Variants in GATAD2A observed in about 807,000 individuals in gnomAD.
GATAD2A encodes the protein GATA zinc finger domain containing 2A, also known as transcriptional repressor p66-alpha.
A neutral mutation model predicts 68.5 loss-of-function variants in GATAD2A; 12 were observed. That is an observed-to-expected ratio of 0.18 (90% confidence interval 0.11 to 0.28). The LOEUF is 0.28. Among genes scored for constraint, GATAD2A ranks in the 10% least tolerant of loss-of-function variants. The pLI is 1.00. For synonymous variants in GATAD2A, 410 were observed against 375.3 expected (o/e 1.09, Z -1.07); for missense variants, 755 against 868.5 (o/e 0.87, Z 1.64).
chr19:19,430,828 C>T (rs568671080), intron 1 of GATAD2A, among the ~76,000 whole-genome samples: 1 of 152,250 alleles, frequency 6.6e-6, no homozygotes, highest in South Asian at 2.1e-4. Context: ...CTAGCCTGAG[C>T]TTGAGAGGAT....
intron 1 of GATAD2A, among the ~76,000 whole-genome samples, chr19:19,392,578 G>A (rs2048927536): frequency 6.6e-6 from 1 of 151,692 alleles, no homozygotes; most frequent in East Asian, 1.9e-4. Context: ...TTTTAGTAGA[G>A]ACGGGGTTTC....
At chr19:19,475,208 A>G (rs1045910297) in intron 2 of GATAD2A, among the ~76,000 whole-genome samples, 6 of 152,224 alleles carry the variant, frequency 3.9e-5, no homozygotes, top group African/African-American at 1.4e-4. Context: ...AATGAGATGG[A>G]CGATGGACTA....
chr19:19,392,642 A>G (rs533580935), intron 1 of GATAD2A, among the ~76,000 whole-genome samples: 1 of 150,438 alleles, frequency 6.6e-6, no homozygotes, highest in South Asian at 2.1e-4. Context: ...CACCTGCCTC[A>G]GCCTCCCAAA....
intron 1 of GATAD2A, among the ~76,000 whole-genome samples, chr19:19,398,995 G>T (rs2049489481): frequency 6.6e-6 from 1 of 152,090 alleles, no homozygotes; most frequent in Non-Finnish European, 1.5e-5. Flanking sequence ...GGCAGCAGGG[G>T]TTGCGGTGAG....
intron 5 of GATAD2A, among the ~76,000 whole-genome samples, chr19:19,495,162 A>G (rs1278657497): frequency 2.6e-5 from 4 of 151,018 alleles, no homozygotes; most frequent in Admixed American, 6.6e-5. Context: ...TGCCTGGGTA[A>G]TTTTTCCATT....
intron 11 of GATAD2A, among the ~76,000 whole-genome samples, chr19:19,502,819 G>A (rs1425978935): frequency 1.3e-5 from 2 of 152,256 alleles, no homozygotes; most frequent in East Asian, 3.8e-4. Context: ...AGCCATCCAT[G>A]TGGACTCTTG....
At chr19:19,423,486 T>C (rs1258132157) in intron 1 of GATAD2A, among the ~76,000 whole-genome samples, 1 of 152,272 alleles carries the variant, frequency 6.6e-6, no homozygotes, top group Non-Finnish European at 1.5e-5. Flanking sequence ...AACCAGCTTG[T>C]TGGCCTGGTT....
At chr19:19,438,129 G>A (rs1008211563) in intron 1 of GATAD2A, among the ~76,000 whole-genome samples, 1 of 152,218 alleles carries the variant, frequency 6.6e-6, no homozygotes, top group African/African-American at 2.4e-5. Context: ...ACTTGTCAGA[G>A]CCTATTACCT....
intron 1 of GATAD2A, among the ~76,000 whole-genome samples, chr19:19,461,481 C>T (rs1455466384): frequency 6.6e-6 from 1 of 152,198 alleles, no homozygotes; most frequent in Non-Finnish European, 1.5e-5. Flanking sequence ...TGGAATTGTT[C>T]TAGAACATGT....
At chr19:19,449,194 T>G (rs1330252514) in intron 1 of GATAD2A, among the ~76,000 whole-genome samples, 1 of 152,070 alleles carries the variant, frequency 6.6e-6, no homozygotes, top group Non-Finnish European at 1.5e-5. Context: ...TGAGTCTGAG[T>G]GGTGGGCACA....
chr19:19,440,425 C>T (rs189434701), intron 1 of GATAD2A: 9 of 215,422 alleles, frequency 4.2e-5, no homozygotes, highest in Admixed American at 1.1e-4. Flanking sequence ...CGCCCGCCAC[C>T]ACGCCCTGCT....
At chr19:19,389,440 A>C (rs2048690898) in intron 1 of GATAD2A, among the ~76,000 whole-genome samples, 1 of 152,098 alleles carries the variant, frequency 6.6e-6, no homozygotes, top group South Asian at 2.1e-4. Context: ...GTCTTGCTTA[A>C]TTTGAGTCCT....
chr19:19,435,952 G>A (rs995435718), intron 1 of GATAD2A, among the ~76,000 whole-genome samples: 1 of 152,208 alleles, frequency 6.6e-6, no homozygotes, highest in African/African-American at 2.4e-5. Context: ...ATACCTCAGA[G>A]ATCAGTAGAA....
At chr19:19,439,714 A>T (rs1568285995) in intron 1 of GATAD2A, among the ~76,000 whole-genome samples, 2 of 151,996 alleles carry the variant, frequency 1.3e-5, no homozygotes, top group Non-Finnish European at 2.9e-5. Context: ...GGGTGTGGTG[A>T]TGCACGCTTG....
chr19:19,497,848 T>C (rs1417215267), intron 7 of GATAD2A, among the ~76,000 whole-genome samples: 1 of 152,188 alleles, frequency 6.6e-6, no homozygotes, highest in Non-Finnish European at 1.5e-5. Context: ...AAGGGTCTGC[T>C]CCTGGGATCC....
At chr19:19,444,351 T>C (rs749441622) in intron 1 of GATAD2A, among the ~76,000 whole-genome samples, 1 of 152,010 alleles carries the variant, frequency 6.6e-6, no homozygotes, top group Non-Finnish European at 1.5e-5. Context: ...CAGCGAACAG[T>C]GTGTGAGGGA....
At chr19:19,412,434 C>T (rs1236760371) in intron 1 of GATAD2A, among the ~76,000 whole-genome samples, 3 of 151,716 alleles carry the variant, frequency 2.0e-5, no homozygotes, top group South Asian at 2.1e-4. Flanking sequence ...GCATTACAGG[C>T]GTGAGCCACC....
chr19:19,390,539 TG>T (rs1412481515), intron 1 of GATAD2A, among the ~76,000 whole-genome samples: 2 of 152,144 alleles, frequency 1.3e-5, no homozygotes, highest in Non-Finnish European at 2.9e-5. Flanking sequence ...AGATGTGAGA[TG>T]GGTTTACTGT....
intron 1 of GATAD2A, among the ~76,000 whole-genome samples, chr19:19,431,961 G>A (rs1486050097): frequency 1.3e-5 from 2 of 151,940 alleles, no homozygotes; most frequent in Admixed American, 6.6e-5. Flanking sequence ...GGGATCACAC[G>A]GAGGGGTTAA....
Sources: gnomAD v4.1 joint callset for allele counts (sites outside exome capture counted in the v4.1 genomes callset) on GRCh38, gnomAD v4.1.1 for gene constraint, MANE v1.5 for transcripts, NCBI Gene and HGNC (gene_info 2026-07-23, HGNC 2026-07-21) for gene names.